The following TENM1 variants were observed in gnomAD, a reference collection of about 807,000 sequenced individuals.
TENM1 encodes the protein teneurin transmembrane protein 1.
In TENM1, 35 loss-of-function variants were observed where a neutral mutation model predicts 174.8. That is an observed-to-expected ratio of 0.20 (90% confidence interval 0.15 to 0.27). TENM1 has a LOEUF of 0.27. Ranked by LOEUF, TENM1 falls within the 10% of genes least tolerant of loss-of-function variation. The probability of loss-of-function intolerance (pLI) is 1.00; values close to 1 mark genes in which losing one functional copy is unlikely to be tolerated. For missense variants in TENM1, 1,633 were observed against 2,130.1 expected (o/e 0.77, Z 4.59); for synonymous variants, 781 against 798.7 (o/e 0.98, Z 0.37).
At chrX:125,161,039 TAAAA>T in the TENM1 span, among the ~76,000 whole-genome samples, 5 of 53,442 alleles carry the variant, frequency 9.4e-5, 1 homozygote, top group African/African-American at 2.8e-4. Flanking sequence ...GGCCAAAAAG[TAAAA>T]AAAAAAAAAA....
Position 124,649,880 on chromosome X carries a change from CTGAT to C in TENM1, c.1579+2030_1579+2033del, listed in dbSNP as rs559606254. 6.8e-3 allele frequency among the ~76,000 whole-genome samples: 759 copies of C among 110,988 alleles called. 6 individuals are homozygous for C. Among genetic ancestry groups the C allele is most frequent in the African/African-American group, 0.024 (727 of 30,543 alleles). ...TCAAGTATATTGGCTTCTTTTTACT[CTGAT>C]TAAGATAAAGTTCAAAAACAAAAAT... is the stretch of plus-strand genomic sequence containing the variant. On this transcript the variant is annotated intron_variant, in intron 8 of 31. Coordinates refer to ENST00000422452, the Ensembl canonical transcript of TENM1.
chrX:124,628,312 T>G (rs976986361), intron 11 of TENM1, among the ~76,000 whole-genome samples: 3 of 111,510 alleles, frequency 2.7e-5, no homozygotes, highest in African/African-American at 9.7e-5. Context: ...AGGCTAAACT[T>G]GATACTGCCA....
chrX:124,820,090 G>A lies in TENM1; in HGVS notation c.535+74206C>T, dbSNP rs760180100. 5.4e-5 allele frequency among the ~76,000 whole-genome samples: 6 copies of A among 110,913 alleles called. 1 individual carries two copies. In the South Asian group the frequency reaches 2.3e-3, roughly 42 times the overall value. On this transcript the variant is annotated intron_variant, in intron 3 of 31. Transcript: ENST00000422452. ...ATTACAGGAGTGAGCTGCCCCGCCT[G>A]GCTCTGTTCCCTTTTCACGTATGGG... is the stretch of plus-strand genomic sequence containing the variant.
intron 27 of TENM1, among the ~76,000 whole-genome samples, chrX:124,401,698 A>G (rs1187019564): frequency 8.9e-6 from 1 of 112,180 alleles, no homozygotes; most frequent in East Asian, 2.8e-4. Context: ...AATTGGATTC[A>G]CATGTCCCTT....
intron 4 of TENM1, among the ~76,000 whole-genome samples, chrX:124,728,856 C>T (rs181056751): frequency 5.9e-4 from 66 of 111,948 alleles, no homozygotes; most frequent in African/African-American, 2.0e-3. Flanking sequence ...GTTCCTTAAC[C>T]TCTCTGTACC....
At chrX:125,060,884 G>A in the TENM1 span, among the ~76,000 whole-genome samples, 1 of 110,999 alleles carries the variant, frequency 9.0e-6, no homozygotes, top group African/African-American at 3.3e-5. Context: ...TTGCACCTCA[G>A]AATTTAGCCA....
chrX:124,410,591 A>G (rs2147702313), intron 25 of TENM1, among the ~76,000 whole-genome samples: 1 of 111,772 alleles, frequency 8.9e-6, no homozygotes, highest in East Asian at 2.8e-4. Flanking sequence ...GGCAACCTAC[A>G]GAACGGGAGA....
At chrX:124,578,746 CATACAACT>C (rs2049231447) in intron 11 of TENM1, among the ~76,000 whole-genome samples, 1 of 111,730 alleles carries the variant, frequency 9.0e-6, no homozygotes. Context: ...AAACATCCCA[CATACAACT>C]ATAAGCTAGA....
At chrX:124,723,110 A>G (rs1023843433) in intron 4 of TENM1, among the ~76,000 whole-genome samples, 1 of 111,472 alleles carries the variant, frequency 9.0e-6, no homozygotes, top group Admixed American at 9.5e-5. Flanking sequence ...AATTCACATG[A>G]AAGTTTTGCC....
intron 4 of TENM1, among the ~76,000 whole-genome samples, chrX:124,706,309 T>G (rs1246694859): frequency 8.9e-6 from 1 of 112,462 alleles, no homozygotes; most frequent in Non-Finnish European, 1.9e-5. Flanking sequence ...TTACAAATTT[T>G]AATGTAAAAT....
chrX:125,189,119 G>A, the TENM1 span, among the ~76,000 whole-genome samples: 632 of 111,928 alleles, frequency 5.6e-3, 1 homozygote, highest in Non-Finnish European at 0.01. Context: ...GAAAAACAAA[G>A]GGCTCTTCTC....
At chrX:124,980,181 G>A in the TENM1 span, among the ~76,000 whole-genome samples, 25 of 110,814 alleles carry the variant, frequency 2.3e-4, no homozygotes, top group African/African-American at 8.2e-4. Context: ...AGACCAGCCT[G>A]GCCAAGATAG....
the TENM1 span, among the ~76,000 whole-genome samples, chrX:125,139,067 C>T: frequency 9.0e-6 from 1 of 111,058 alleles, no homozygotes; most frequent in African/African-American, 3.3e-5. Context: ...CTTATTGAGC[C>T]CATTTTATAT....
chrX:125,192,056 G>A, the TENM1 span, among the ~76,000 whole-genome samples: 1 of 110,982 alleles, frequency 9.0e-6, no homozygotes, highest in African/African-American at 3.3e-5. Context: ...ACTGCCTCCC[G>A]CACTGAATGT....
At chrX:124,399,847 C>T (rs1229736247) in intron 27 of TENM1, among the ~76,000 whole-genome samples, 3 of 111,504 alleles carry the variant, frequency 2.7e-5, no homozygotes, top group Non-Finnish European at 3.8e-5. Context: ...TGGCATGCGC[C>T]TGTAGTCCCA....
At chrX:125,063,049 G>T in the TENM1 span, among the ~76,000 whole-genome samples, 1 of 112,105 alleles carries the variant, frequency 8.9e-6, no homozygotes, top group African/African-American at 3.2e-5. Context: ...CCTTTTCCTT[G>T]TCCTCTATGA....
intron 3 of TENM1, among the ~76,000 whole-genome samples, chrX:124,800,405 A>ATTATC (rs370833146): frequency 0.024 from 2,671 of 111,324 alleles, 81 homozygotes; most frequent in African/African-American, 0.082. Flanking sequence ...TGTTTATAGT[A>ATTATC]TTATGATAGT....
intron 5 of TENM1, among the ~76,000 whole-genome samples, chrX:124,685,561 G>GTTTTTTTTT (rs201481902): frequency 7.4e-5 from 7 of 94,498 alleles, no homozygotes; most frequent in African/African-American, 2.8e-4. Context: ...AAGCAAATCT[G>GTTTTTTTTT]TTTTTTTTTT....
At chrX:125,146,360 CAT>C in the TENM1 span, among the ~76,000 whole-genome samples, 1 of 111,574 alleles carries the variant, frequency 9.0e-6, no homozygotes, top group Admixed American at 9.6e-5. Context: ...GGATTAAAGA[CAT>C]GTGTCACTAA....
Sources: gnomAD v4.1 joint callset for allele counts (sites outside exome capture counted in the v4.1 genomes callset) on GRCh38, gnomAD v4.1.1 for gene constraint, MANE v1.5 for transcripts, NCBI Gene and HGNC (gene_info 2026-07-23, HGNC 2026-07-21) for gene names.